The following SHROOM3 variants were observed in gnomAD, a reference collection of about 807,000 sequenced individuals.
SHROOM3 encodes protein Shroom3.
SHROOM3 carries 47 observed loss-of-function variants against 138.6 expected under a neutral mutation model. That is an observed-to-expected ratio of 0.34 (90% CI 0.27 to 0.43). The LOEUF (loss-of-function observed/expected upper bound fraction) is 0.43. SHROOM3 is among the 20% of genes least tolerant of loss of function. SHROOM3 has a pLI of 1.00. For synonymous variants in SHROOM3, 1,062 were observed against 1,063.3 expected (o/e 1.00, Z 0.02); for missense variants, 2,491 against 2,596.5 (o/e 0.96, Z 0.88).
intron 1 of SHROOM3, among the ~76,000 whole-genome samples, chr4:76,524,428 G>A (rs937524707): frequency 2.0e-5 from 3 of 152,204 alleles, no homozygotes; most frequent in African/African-American, 7.2e-5. Context: ...ACTGACTGGG[G>A]TGGACAGGAG....
chr4:76,648,488 A>G (rs1735883473), intron 2 of SHROOM3, among the ~76,000 whole-genome samples: 1 of 139,498 alleles, frequency 7.2e-6, no homozygotes, highest in Non-Finnish European at 1.5e-5. Flanking sequence ...ATGGATGGCT[A>G]GGCTGTTAAA....
chr4:76,654,268 C>T (rs1257755267), intron 2 of SHROOM3, among the ~76,000 whole-genome samples: 1 of 152,098 alleles, frequency 6.6e-6, no homozygotes, highest in South Asian at 2.1e-4. Context: ...GGGAAGGGAA[C>T]GTTAAAAGTC....
chr4:76,605,938 T>TATATATATACACATATATATATAC lies in SHROOM3; in HGVS notation c.323+50193_323+50216dup, dbSNP rs1170006743. On this transcript the variant is annotated intron_variant, in intron 2 of 10. Coordinates refer to ENST00000296043, the MANE Select transcript of SHROOM3 (RefSeq NM_020859.4). ...TTCTCTCTCTCTCTCTCTCTCTATA[T>TATATATATACACATATATATATAC]ATATATATACACATATATATATACA... Among the ~76,000 whole-genome samples the TATATATATACACATATATATATAC allele has an allele frequency of 1.9e-4, 27 of 142,144 alleles. 1 individual carries two copies. The highest frequency in any genetic ancestry group is 1.1e-3 in the South Asian group (5 of 4,434). The allele number at this position is 142,144 out of a possible 152,430, so 93.3% of individuals were successfully genotyped here. A position where few individuals can be genotyped will look rare whatever the true frequency, so the allele number is the denominator to read the frequency against.
intron 2 of SHROOM3, among the ~76,000 whole-genome samples, chr4:76,705,307 AAACAACAACAACAAC>A (rs147261587): frequency 6.6e-6 from 1 of 150,870 alleles, no homozygotes; most frequent in Admixed American, 6.6e-5. Flanking sequence ...CCGTCTCTAC[AAACAACAACAACAAC>A]AACAACAACA....
chr4:76,688,870 G>C (rs1258919481), intron 2 of SHROOM3: 1 of 985,042 alleles, frequency 1.0e-6, no homozygotes, highest in Non-Finnish European at 1.2e-6. Context: ...AGGCTTCAGC[G>C]GCATTCACCA....
At chr4:76,714,422 G>A (rs1720314314) in intron 3 of SHROOM3, among the ~76,000 whole-genome samples, 1 of 152,162 alleles carries the variant, frequency 6.6e-6, no homozygotes, top group Non-Finnish European at 1.5e-5. Context: ...GTTACATTGA[G>A]GTGATGGCTT....
intron 2 of SHROOM3, among the ~76,000 whole-genome samples, chr4:76,653,202 G>A (rs142299042): frequency 1.4e-4 from 21 of 152,156 alleles, no homozygotes; most frequent in Non-Finnish European, 2.4e-4. Flanking sequence ...AGCGGTCAGG[G>A]TTAGGAATCC....
intron 2 of SHROOM3, among the ~76,000 whole-genome samples, chr4:76,569,959 T>G (rs899555257): frequency 1.3e-5 from 2 of 152,250 alleles, no homozygotes; most frequent in African/African-American, 2.4e-5. Flanking sequence ...GACAAAAGGA[T>G]GAGATCAGTG....
Position 76,551,152 on chromosome 4 carries a change from T to C in SHROOM3, c.169-4457T>C, listed in dbSNP as rs139333142. ...TCCTGCATAGCTGAGACCACAGGCA[T>C]GTGCCACCACATCCGGCTAATTCTA... is the stretch of plus-strand genomic sequence containing the variant. On this transcript the variant is annotated intron_variant, in intron 1 of 10. Transcript: ENST00000296043. Among the ~76,000 whole-genome samples the C allele has an allele frequency of 2.1e-3, 316 of 151,286 alleles. 6 individuals are homozygous for C. The East Asian group carries it at 0.044, about 21-fold the overall frequency.
At chr4:76,497,119 A>C (rs182648316) in intron 1 of SHROOM3, among the ~76,000 whole-genome samples, 1 of 152,310 alleles carries the variant, frequency 6.6e-6, no homozygotes, top group East Asian at 1.9e-4. Context: ...TAGCTGTGTG[A>C]TCTTGGACAA....
At chr4:76,747,822 T>C (rs1721491493) in intron 5 of SHROOM3, among the ~76,000 whole-genome samples, 1 of 152,162 alleles carries the variant, frequency 6.6e-6, no homozygotes, top group South Asian at 2.1e-4. Flanking sequence ...TCTGATTACA[T>C]CCAGCCCAGC....
chr4:76,489,316 G>A (rs577676881), intron 1 of SHROOM3, among the ~76,000 whole-genome samples: 1 of 152,258 alleles, frequency 6.6e-6, no homozygotes, highest in South Asian at 2.1e-4. Flanking sequence ...AACTGACAAA[G>A]AAGTCAAATT....
intron 10 of SHROOM3, among the ~76,000 whole-genome samples, chr4:76,776,651 A>G (rs1267407844): frequency 6.6e-6 from 1 of 152,234 alleles, no homozygotes; most frequent in Non-Finnish European, 1.5e-5. Flanking sequence ...CTTAATATAA[A>G]TGAATTCAAA....
chr4:76,506,353 T>C (rs1202117128), intron 1 of SHROOM3, among the ~76,000 whole-genome samples: 1 of 152,116 alleles, frequency 6.6e-6, no homozygotes, highest in Non-Finnish European at 1.5e-5. Flanking sequence ...GTTCTGCACA[T>C]GTAGCCCAGG....
rs201355998 is a variant in SHROOM3, at chr4:76,740,785, C to T, written c.2612C>T (p.Ala871Val). The change falls in exon 5 of 11, where the codon GCG becomes GTG. Residue 871 changes from alanine (A) to valine (V), a missense_variant. Coordinates refer to ENST00000296043, the MANE Select transcript of SHROOM3 (RefSeq NM_020859.4). This position sits in a 1 kb window ranked among gnomAD's most constrained non-coding sequence, Gnocchi z 4.0. The stretch of plus-strand genomic sequence containing the variant: ...TGCGGTCAGCAGCTGAGCGGAGGAG[C>T]GTCGGACAGCGGCCGTGGCCCCCAG... ...QPCGQQLSGG[A>V]SDSGRGPQRP... The T allele has an allele frequency of 1.1e-5, 18 of 1,611,282 alleles. No homozygotes were observed. In the East Asian group the frequency reaches 3.8e-4, roughly 34 times the overall value.
chr4:76,578,927 C>A (rs1029208193), intron 2 of SHROOM3, among the ~76,000 whole-genome samples: 1 of 152,050 alleles, frequency 6.6e-6, no homozygotes, highest in African/African-American at 2.4e-5. Context: ...CTGGGCATGG[C>A]GGCTCATGCC....
intron 1 of SHROOM3, among the ~76,000 whole-genome samples, chr4:76,549,460 C>T (rs1389111292): frequency 3.3e-5 from 5 of 151,988 alleles, no homozygotes; most frequent in African/African-American, 1.2e-4. Flanking sequence ...CCTGTGCCTC[C>T]TGGGTTCAAA....
intron 1 of SHROOM3, among the ~76,000 whole-genome samples, chr4:76,549,357 T>A (rs1433573827): frequency 6.6e-6 from 1 of 151,856 alleles, no homozygotes; most frequent in East Asian, 1.9e-4. Flanking sequence ...TTCTAGCCAA[T>A]GGCTTCAACT....
intron 5 of SHROOM3, among the ~76,000 whole-genome samples, chr4:76,744,272 G>A (rs1413494554): frequency 6.6e-6 from 1 of 152,192 alleles, no homozygotes; most frequent in African/African-American, 2.4e-5. Flanking sequence ...TATTTAATTT[G>A]GGGAATATGC....
Sources: gnomAD v4.1 joint callset for allele counts (sites outside exome capture counted in the v4.1 genomes callset) on GRCh38, gnomAD v4.1.1 for gene constraint, Gnocchi (gnomAD v3.1) non-coding constraint, MANE v1.5 for transcripts, NCBI Gene and HGNC (gene_info 2026-07-23, HGNC 2026-07-21) for gene names.